Variants in PCDH9 observed in about 807,000 individuals in gnomAD.
PCDH9 encodes the protein protocadherin-9.
A neutral mutation model predicts 70.6 loss-of-function variants in PCDH9; 24 were observed. The observed-to-expected ratio is 0.34, with a 90% CI of 0.25 to 0.48. The LOEUF (loss-of-function observed/expected upper bound fraction) is 0.48, where lower values mean the gene tolerates loss of function less well. PCDH9 is among the 20% of genes least tolerant of loss of function. PCDH9 has a pLI of 0.99. For missense variants in PCDH9, 1,281 were observed against 1,503.6 expected, an observed-to-expected ratio of 0.85 and a Z score of 2.45; for synonymous variants, 562 against 558.5, an observed-to-expected ratio of 1.01 and a Z score of -0.09.
chr13:66,927,392 G>C (rs904627086), intron 2 of PCDH9, among the ~76,000 whole-genome samples: 1 of 152,048 alleles, frequency 6.6e-6, no homozygotes, highest in South Asian at 2.1e-4. Flanking sequence ...TTCGAGGGTG[G>C]AGGATAGGAG....
intron 4 of PCDH9, among the ~76,000 whole-genome samples, chr13:66,317,456 T>C (rs1439403422): frequency 1.3e-5 from 2 of 152,196 alleles, no homozygotes; most frequent in Admixed American, 6.5e-5. Context: ...CTCCCAGCTA[T>C]TTTGGAGTTA....
At chr13:66,946,844 T>C (rs887115418) in intron 2 of PCDH9, among the ~76,000 whole-genome samples, 1 of 152,090 alleles carries the variant, frequency 6.6e-6, no homozygotes, top group Non-Finnish European at 1.5e-5. Context: ...GCCCAAAAAA[T>C]ATGACTTTCT....
intron 2 of PCDH9, among the ~76,000 whole-genome samples, chr13:66,910,766 G>A (rs549806571): frequency 1.2e-4 from 19 of 152,178 alleles, no homozygotes; most frequent in Admixed American, 2.6e-4. Flanking sequence ...GCCACGTACC[G>A]TAACCAAAAA....
intron 4 of PCDH9, among the ~76,000 whole-genome samples, chr13:66,327,281 T>C (rs187065280): frequency 6.6e-6 from 1 of 152,284 alleles, no homozygotes; most frequent in Admixed American, 6.5e-5. Context: ...AAATCCCCCA[T>C]GCTGTACCAC....
intron 4 of PCDH9, among the ~76,000 whole-genome samples, chr13:66,367,635 T>G (rs532861196): frequency 6.6e-6 from 1 of 152,032 alleles, no homozygotes; most frequent in African/African-American, 2.4e-5. Context: ...TAGAAAGAAA[T>G]AAAATGGCAA....
intron 3 of PCDH9, among the ~76,000 whole-genome samples, chr13:66,652,352 A>C (rs948213400): frequency 1.3e-5 from 2 of 152,134 alleles, no homozygotes; most frequent in Admixed American, 6.5e-5. Flanking sequence ...AATCTGAAAA[A>C]GAAATCAAGA....
chr13:66,773,528 G>T (rs546928794), intron 3 of PCDH9, among the ~76,000 whole-genome samples: 1 of 151,630 alleles, frequency 6.6e-6, no homozygotes, highest in Non-Finnish European at 1.5e-5. Context: ...CTTCTCGGAG[G>T]TTGAGGCAGG....
chr13:66,346,761 T>C (rs1305773075), intron 4 of PCDH9, among the ~76,000 whole-genome samples: 1 of 152,190 alleles, frequency 6.6e-6, no homozygotes, highest in Non-Finnish European at 1.5e-5. Context: ...TAACTGCCTA[T>C]GGGTCAGTTA....
At chr13:66,913,419 C>T (rs2082503912) in intron 2 of PCDH9, among the ~76,000 whole-genome samples, 2 of 151,926 alleles carry the variant, frequency 1.3e-5, no homozygotes. Context: ...TGTACAGTAT[C>T]TAGGAGTAAA....
At chr13:67,174,314 G>GATACATAGATAGATAC (rs2088383265) in intron 2 of PCDH9, among the ~76,000 whole-genome samples, 1 of 149,468 alleles carries the variant, frequency 6.7e-6, no homozygotes, top group Non-Finnish European at 1.5e-5. Flanking sequence ...TAGATAGATA[G>GATACATAGATAGATAC]ATACATACAT....
intron 3 of PCDH9, among the ~76,000 whole-genome samples, chr13:66,644,753 C>T (rs190178056): frequency 3.9e-5 from 6 of 152,062 alleles, no homozygotes; most frequent in South Asian, 2.1e-4. Flanking sequence ...CAATTGTCCT[C>T]GGCTTCTATT....
At chr13:66,817,892 T>G (rs2139374116) in intron 3 of PCDH9, among the ~76,000 whole-genome samples, 1 of 152,296 alleles carries the variant, frequency 6.6e-6, no homozygotes, top group Admixed American at 6.5e-5. Context: ...CCTTCCAAAG[T>G]GCTGGGATTA....
At chr13:66,805,870 G>A (rs2080401768) in intron 3 of PCDH9, among the ~76,000 whole-genome samples, 1 of 152,046 alleles carries the variant, frequency 6.6e-6, no homozygotes, top group Non-Finnish European at 1.5e-5. Flanking sequence ...TACCACAGTA[G>A]TTCATATTTA....
At chr13:66,365,395 T>C (rs1956537453) in intron 4 of PCDH9, among the ~76,000 whole-genome samples, 1 of 152,178 alleles carries the variant, frequency 6.6e-6, no homozygotes, top group African/African-American at 2.4e-5. Context: ...GCAGATGATG[T>C]TATAACTGGC....
intron 2 of PCDH9, among the ~76,000 whole-genome samples, chr13:66,962,719 A>C (rs779776399): frequency 6.6e-6 from 1 of 152,124 alleles, no homozygotes; most frequent in Non-Finnish European, 1.5e-5. Context: ...ATTACATCAC[A>C]CTTGGCTGTA....
intron 3 of PCDH9, among the ~76,000 whole-genome samples, chr13:66,713,840 C>A (rs1398593179): frequency 6.6e-6 from 1 of 151,814 alleles, no homozygotes; most frequent in African/African-American, 2.4e-5. Context: ...ATTAAATCTA[C>A]ATGAGGCAAG....
intron 4 of PCDH9, among the ~76,000 whole-genome samples, chr13:66,597,673 G>T (rs1332057068): frequency 6.6e-6 from 1 of 151,696 alleles, no homozygotes; most frequent in Non-Finnish European, 1.5e-5. Context: ...GTTCTTGGCA[G>T]TAGTTTCCTG....
intron 4 of PCDH9, among the ~76,000 whole-genome samples, chr13:66,573,213 T>C (rs1016143209): frequency 1.3e-5 from 2 of 151,956 alleles, no homozygotes; most frequent in African/African-American, 4.8e-5. Flanking sequence ...ATATACTTTT[T>C]GGCTATTTGT....
chr13:66,567,370 TA>T (rs2076668802), intron 4 of PCDH9, among the ~76,000 whole-genome samples: 1 of 152,278 alleles, frequency 6.6e-6, no homozygotes, highest in East Asian at 1.9e-4. Context: ...CATTGTTTTT[TA>T]ATTAGCTCCT....
Sources: allele counts gnomAD v4.1 joint callset (sites outside exome capture counted in the v4.1 genomes callset), GRCh38; gene constraint gnomAD v4.1.1; transcripts MANE v1.5; gene names NCBI Gene and HGNC (gene_info 2026-07-23, HGNC 2026-07-21).